The following RUNX1 variants were observed in gnomAD, a reference collection of about 807,000 sequenced individuals.
RUNX1 encodes the protein RUNX family transcription factor 1.
Under a neutral mutation model 42.8 loss-of-function variants are expected in RUNX1, and 19 were observed. That is an observed-to-expected ratio of 0.44 (90% CI 0.31 to 0.65). RUNX1 has a LOEUF of 0.65. RUNX1 is among the 30% of genes least tolerant of loss of function. The pLI is 0.07. For missense variants in RUNX1, 528 were observed against 672.0 expected (o/e 0.79, Z 2.37); for synonymous variants, 271 against 289.4 (o/e 0.94, Z 0.64).
intron 5 of RUNX1, among the ~76,000 whole-genome samples, chr21:34,877,288 A>C (rs181636207): frequency 1.3e-5 from 2 of 152,340 alleles, no homozygotes; most frequent in East Asian, 3.9e-4. Flanking sequence ...CTGCTCAGTG[A>C]ATTCGTTTCA....
intron 5 of RUNX1, among the ~76,000 whole-genome samples, chr21:34,879,142 T>C (rs2057859237): frequency 6.6e-6 from 1 of 152,216 alleles, no homozygotes; most frequent in African/African-American, 2.4e-5. Flanking sequence ...GCCTTTAAGA[T>C]GTTTTCTAGA....
At chr21:34,820,436 G>A (rs1450971716) in intron 7 of RUNX1, among the ~76,000 whole-genome samples, 1 of 152,004 alleles carries the variant, frequency 6.6e-6, no homozygotes, top group Non-Finnish European at 1.5e-5. Flanking sequence ...GATCACCTGT[G>A]GTCAGGAGTT....
intron 3 of RUNX1, chr21:34,888,816 C>A (rs1351677954): frequency 1.2e-5 from 5 of 420,356 alleles, no homozygotes; most frequent in Non-Finnish European, 1.6e-5. Flanking sequence ...TCAGCCAGGG[C>A]GCGGCTCGCC....
chr21:34,792,573 C>A lies in RUNX1; in HGVS notation c.1005G>T (p.Gln335His), dbSNP rs80314254. ...PDLTAFSDPR[Q>H]FPALPSISDP... ...CGGAGATGGAGGGCAGCGCGGGGAA[C>A]TGGCGCGGGTCGCTGAACGCTGTCA... Residue 335 changes from glutamine (Q) to histidine (H), a missense_variant, in exon 9 of 9, where the codon CAG becomes CAT. By Grantham distance (24) the Gln-to-His change is conservative. Coordinates refer to ENST00000675419, the MANE Select transcript of RUNX1 (RefSeq NM_001754.5). This position sits in a 1 kb window ranked among gnomAD's most constrained non-coding sequence, Gnocchi z 6.9. 7.7e-5 allele frequency: 123 copies of A among 1,604,614 alleles called. 1 individual carries two copies. The East Asian group carries it at 1.0e-3, about 13-fold the overall frequency.
intron 4 of RUNX1, among the ~76,000 whole-genome samples, chr21:34,883,618 C>G (rs2062182427): frequency 6.6e-6 from 1 of 152,132 alleles, no homozygotes; most frequent in Admixed American, 6.5e-5. Context: ...ACAGACCAAA[C>G]AGGCAAGAAG....
At chr21:34,956,215 C>A (rs578245668) in intron 2 of RUNX1, among the ~76,000 whole-genome samples, 1 of 152,206 alleles carries the variant, frequency 6.6e-6, no homozygotes, top group Non-Finnish European at 1.5e-5. Context: ...AGGCAGACAG[C>A]GTCATGCCCA....
chr21:35,035,744 C>G (rs772782647), intron 2 of RUNX1, among the ~76,000 whole-genome samples: 9 of 152,194 alleles, frequency 5.9e-5, no homozygotes, highest in African/African-American at 2.2e-4. Context: ...CCTCCCTCTC[C>G]CTCTCGTTTG....
chr21:34,849,978 G>A (rs2057394363), intron 6 of RUNX1, among the ~76,000 whole-genome samples: 1 of 151,506 alleles, frequency 6.6e-6, no homozygotes, highest in Non-Finnish European at 1.5e-5. Context: ...GAGACCCAGT[G>A]TATCAAATTC....
At chr21:35,047,543 ACACACACACACACACACACTCTCT>A (rs1349496080) in intron 2 of RUNX1, among the ~76,000 whole-genome samples, 1 of 131,322 alleles carries the variant, frequency 7.6e-6, no homozygotes, top group Non-Finnish European at 1.6e-5. Context: ...ACACACACAC[ACACACACACACACACACACTCTCT>A]CTCTCTCTCT....
chr21:34,828,157 TG>T (rs2057014974), intron 7 of RUNX1, among the ~76,000 whole-genome samples: 1 of 152,210 alleles, frequency 6.6e-6, no homozygotes, highest in Non-Finnish European at 1.5e-5. Flanking sequence ...CCCAAGGCCT[TG>T]GGGGCCTAGT....
At chr21:34,888,391 C>T (rs2058028697) in intron 3 of RUNX1, 1 of 1,067,538 alleles carries the variant, frequency 9.4e-7, no homozygotes, top group African/African-American at 1.6e-5. Context: ...CCACAGAGCA[C>T]TTTCTCCCCC....
chr21:34,886,180 G>A (rs950970330), intron 4 of RUNX1, among the ~76,000 whole-genome samples: 1 of 152,228 alleles, frequency 6.6e-6, no homozygotes. Context: ...GTGAGCTGAT[G>A]ATAGCATTCA....
rs1157495777 is a variant in RUNX1 at position 34,886,975 on chromosome 21, G to A, written c.219C>T (p.Ser73=). Residue 73 remains serine (S), a synonymous_variant, in exon 4 of 9, where the codon AGC becomes AGT. Coordinates refer to ENST00000675419, the MANE Select transcript of RUNX1 (RefSeq NM_001754.5). ...AGAALAGKLR[S]GDRSMVEVLA... is the part of the protein sequence containing the mutation. ...GCACCTCCACCATGCTGCGGTCGCCGCTCCTCAGCTTGCCGGCCAGGGCAG... is the reference window on the plus strand; with the variant it reads ...GCACCTCCACCATGCTGCGGTCGCCACTCCTCAGCTTGCCGGCCAGGGCAG... 2 of 1,609,404 alleles carry A rather than the reference G, an allele frequency of 1.2e-6. No homozygotes were observed. Among genetic ancestry groups the A allele is most frequent in the Admixed American group, 1.7e-5 (1 of 59,802 alleles).
At chr21:34,893,179 C>A (rs1469440129) in intron 2 of RUNX1, among the ~76,000 whole-genome samples, 1 of 152,156 alleles carries the variant, frequency 6.6e-6, no homozygotes, top group Non-Finnish European at 1.5e-5. Flanking sequence ...AACCAATGTT[C>A]TCCTTCACTA....
intron 2 of RUNX1, among the ~76,000 whole-genome samples, chr21:35,023,240 G>A (rs1462621114): frequency 6.6e-6 from 1 of 152,036 alleles, no homozygotes; most frequent in East Asian, 1.9e-4. Flanking sequence ...CACCACACCT[G>A]GCCTTTGTTT....
intron 2 of RUNX1, among the ~76,000 whole-genome samples, chr21:34,947,715 AT>A (rs2058574478): frequency 6.6e-6 from 1 of 152,046 alleles, no homozygotes; most frequent in African/African-American, 2.4e-5. Context: ...AGAAGCCTTT[AT>A]TTTTCTCCCT....
chr21:34,899,939 G>GT (rs2058164299), intron 2 of RUNX1, among the ~76,000 whole-genome samples: 1 of 152,160 alleles, frequency 6.6e-6, no homozygotes, highest in African/African-American at 2.4e-5. Context: ...GAGCACAGGA[G>GT]TTTGAGACCA....
chr21:34,938,906 GT>G (rs1273683407), intron 2 of RUNX1, among the ~76,000 whole-genome samples: 1 of 152,166 alleles, frequency 6.6e-6, no homozygotes, highest in African/African-American at 2.4e-5. Context: ...TGTTACCTAT[GT>G]GTCAAAGTGT....
chr21:35,017,877 G>A (rs1256888472), intron 2 of RUNX1, among the ~76,000 whole-genome samples: 1 of 152,132 alleles, frequency 6.6e-6, no homozygotes, highest in African/African-American at 2.4e-5. Flanking sequence ...ATTTAACGGT[G>A]GAACTGTCCA....
Sources: gnomAD v4.1 joint callset for allele counts (sites outside exome capture counted in the v4.1 genomes callset) on GRCh38, gnomAD v4.1.1 for gene constraint, Gnocchi (gnomAD v3.1) non-coding constraint, MANE v1.5 for transcripts, NCBI Gene and HGNC (gene_info 2026-07-23, HGNC 2026-07-21) for gene names.